The following CACNA1C variants were observed in gnomAD, a reference collection of about 807,000 sequenced individuals.
CACNA1C encodes calcium voltage-gated channel subunit alpha1 C, also known as voltage-dependent L-type calcium channel subunit alpha-1C.
CACNA1C carries 30 observed loss-of-function variants against 229.0 expected under a neutral mutation model. The observed-to-expected ratio is 0.13, with a 90% confidence interval of 0.10 to 0.18. CACNA1C has a LOEUF of 0.18. CACNA1C is among the 10% of genes least tolerant of loss of function. CACNA1C has a pLI of 1.00. For missense variants in CACNA1C, 1,658 were observed against 2,845.0 expected, an observed-to-expected ratio of 0.58 and a Z score of 9.49; for synonymous variants, 1,114 against 1,132.5, an observed-to-expected ratio of 0.98 and a Z score of 0.33.
chr12:2,450,508 CATG>C (rs1294552249), intron 4 of CACNA1C, among the ~76,000 whole-genome samples: 6 of 124,386 alleles, frequency 4.8e-5, no homozygotes, highest in African/African-American at 1.5e-4. Flanking sequence ...GAGCCGAGAT[CATG>C]CCACTGCACT....
chr12:2,405,081 G>T (rs993385483), intron 3 of CACNA1C, among the ~76,000 whole-genome samples: 1 of 152,156 alleles, frequency 6.6e-6, no homozygotes, highest in Non-Finnish European at 1.5e-5. Flanking sequence ...TACTCCCTGT[G>T]GGATATCTGG....
chr12:2,103,189 A>G (rs2077048020), intron 1 of CACNA1C, among the ~76,000 whole-genome samples: 1 of 152,200 alleles, frequency 6.6e-6, no homozygotes, highest in Admixed American at 6.5e-5. Flanking sequence ...GAACTAATTT[A>G]CACTCTCACC....
Position 2,608,401 on chromosome 12 carries a change from G to A in CACNA1C, c.3357-110G>A. On this transcript the variant is annotated intron_variant, in intron 26 of 46. Transcript: ENST00000399655. The surrounding 1 kb of genome is among the most constrained non-coding windows in gnomAD (Gnocchi z 4.2). ...GGCCGAGCTGGGACTCCAGCCCAGA[G>A]CTGTCTCCTGCACCCTGATCCCTGG... 2.6e-6 allele frequency: 2 copies of A among 770,656 alleles called. No homozygotes were observed. The highest frequency in any genetic ancestry group is 4.1e-6 in the Non-Finnish European group (2 of 487,674). 47.7% of individuals were successfully genotyped at this position (770,656 alleles called of 1,614,324 possible).
intron 1 of CACNA1C, among the ~76,000 whole-genome samples, chr12:2,079,218 A>G (rs920849159): frequency 6.6e-6 from 1 of 152,166 alleles, no homozygotes; most frequent in Non-Finnish European, 1.5e-5. Context: ...AACATGGCAC[A>G]TGTATACATA....
intron 3 of CACNA1C, among the ~76,000 whole-genome samples, chr12:2,344,154 C>T (rs895291107): frequency 2.0e-5 from 3 of 152,126 alleles, no homozygotes; most frequent in Admixed American, 2.0e-4. Flanking sequence ...TCATATTTTC[C>T]CAATAATGCC....
At chr12:1,977,401 T>C (rs1447764500) in intron 1 of CACNA1C, among the ~76,000 whole-genome samples, 9 of 152,232 alleles carry the variant, frequency 5.9e-5, no homozygotes, top group Admixed American at 3.3e-4. Flanking sequence ...TTGTGACTCC[T>C]GCTTGATCAC....
At chr12:2,535,704 T>TAAAAAAAAAAAAAAAAAA (rs758857733) in intron 9 of CACNA1C, among the ~76,000 whole-genome samples, 19 of 36,562 alleles carry the variant, frequency 5.2e-4, no homozygotes, top group East Asian at 1.4e-3. Flanking sequence ...AGACCCTGTC[T>TAAAAAAAAAAAAAAAAAA]AAAAAAAAAA....
intron 29 of CACNA1C, among the ~76,000 whole-genome samples, chr12:2,631,164 G>A (rs2090222496): frequency 6.6e-6 from 1 of 152,148 alleles, no homozygotes. Flanking sequence ...CCATCTTAGA[G>A]GTGTTGCAGA....
chr12:2,465,835 C>T (rs1421430189), intron 5 of CACNA1C, among the ~76,000 whole-genome samples: 2 of 152,224 alleles, frequency 1.3e-5, no homozygotes, highest in Non-Finnish European at 2.9e-5. Context: ...AAGCTGTCAC[C>T]GCTCTCTCCC....
rs1212951243 is a variant in CACNA1C at position 2,443,945 on chromosome 12, A to C, written c.478-5031A>C. The stretch of plus-strand genomic sequence containing the variant: ...CAGAGTGAATAACACTGCTTCTTGC[A>C]ACATTTAGTCAGCACACGCACACAC... On this transcript the variant is annotated intron_variant, in intron 3 of 46. Coordinates refer to ENST00000399655, the MANE Select transcript of CACNA1C (RefSeq NM_000719.7). 2.0e-5 allele frequency among the ~76,000 whole-genome samples: 3 copies of C among 152,174 alleles called. No individual in the cohort carries two copies. In the East Asian group the frequency reaches 5.8e-4, roughly 29 times the overall value.
intron 1 of CACNA1C, among the ~76,000 whole-genome samples, chr12:1,997,364 C>G (rs2041185301): frequency 6.6e-6 from 1 of 152,112 alleles, no homozygotes; most frequent in African/African-American, 2.4e-5. Context: ...TCCGTTGCTA[C>G]TAAAAATTAG....
chr12:2,490,287 A>G (rs972864089), intron 6 of CACNA1C, among the ~76,000 whole-genome samples: 1 of 152,176 alleles, frequency 6.6e-6, no homozygotes, highest in African/African-American at 2.4e-5. Flanking sequence ...TCTCGAGGAC[A>G]CTCAGAATTC....
Position 2,486,342 on chromosome 12 carries a change from A to T in CACNA1C, c.916+80A>T. Reference sequence around the variant, plus strand: ...ACCTTTCCCGCTGCTGGCTACACCAACATGACCAGCAGAGCCCAGGGAAGG... The same window carrying T: ...ACCTTTCCCGCTGCTGGCTACACCATCATGACCAGCAGAGCCCAGGGAAGG... On this transcript the variant is annotated intron_variant, in intron 6 of 46. Coordinates refer to ENST00000399655, the MANE Select transcript of CACNA1C (RefSeq NM_000719.7). The surrounding 1 kb of genome is among the most constrained non-coding windows in gnomAD (Gnocchi z 4.9). The T allele has an allele frequency of 8.1e-7, 1 of 1,238,298 alleles. No individual in the cohort carries two copies. Among genetic ancestry groups the T allele is most frequent in the Non-Finnish European group, 1.1e-6 (1 of 878,550 alleles). The allele number at this position is 1,238,298 out of a possible 1,614,324, so 76.7% of individuals were successfully genotyped here.
chr12:2,642,831 C>T (rs1452587157), intron 30 of CACNA1C, among the ~76,000 whole-genome samples: 1 of 152,186 alleles, frequency 6.6e-6, no homozygotes, highest in Non-Finnish European at 1.5e-5. Context: ...GGCTGTCCTT[C>T]CCAGGGGAAG....
intron 5 of CACNA1C, among the ~76,000 whole-genome samples, chr12:2,458,610 C>T (rs1000512064): frequency 6.6e-6 from 1 of 152,186 alleles, no homozygotes; most frequent in African/African-American, 2.4e-5. Flanking sequence ...TAGGAGACCC[C>T]TCAGACTAGG....
chr12:2,068,673 C>A (rs1441305880), intron 1 of CACNA1C, among the ~76,000 whole-genome samples: 1 of 152,214 alleles, frequency 6.6e-6, no homozygotes, highest in Non-Finnish European at 1.5e-5. Context: ...CTTCTGTGTG[C>A]CTTGCCTGGA....
intron 18 of CACNA1C, among the ~76,000 whole-genome samples, chr12:2,589,372 C>T (rs556891292): frequency 2.0e-5 from 3 of 152,356 alleles, no homozygotes; most frequent in Non-Finnish European, 2.9e-5. Context: ...TCTGAGGACA[C>T]AGCATTTGAC....
At chr12:2,118,057 G>T in intron 2 of CACNA1C, among the ~76,000 whole-genome samples, 1 of 152,218 alleles carries the variant, frequency 6.6e-6, no homozygotes, top group East Asian at 1.9e-4. Context: ...CTGCTTTTCA[G>T]CCAGTGGCTT....
At chr12:2,158,848 C>T (rs1171411234) in intron 3 of CACNA1C, among the ~76,000 whole-genome samples, 2 of 152,102 alleles carry the variant, frequency 1.3e-5, no homozygotes, top group Admixed American at 1.3e-4. Flanking sequence ...CATAGGATCC[C>T]GGAAATGGGG....
Sources: allele counts gnomAD v4.1 joint callset (sites outside exome capture counted in the v4.1 genomes callset), GRCh38; gene constraint gnomAD v4.1.1; non-coding constraint Gnocchi (gnomAD v3.1); transcripts MANE v1.5; gene names NCBI Gene and HGNC (gene_info 2026-07-23, HGNC 2026-07-21).